Variants in MTA1 observed in about 807,000 individuals in gnomAD.
MTA1 encodes the protein metastasis associated 1.
In MTA1, 15 loss-of-function variants were observed where a neutral mutation model predicts 97.0. The observed-to-expected ratio is 0.15, with a 90% confidence interval of 0.10 to 0.24. The LOEUF is 0.24. Ranked by LOEUF, MTA1 falls within the 10% of genes least tolerant of loss-of-function variation. MTA1 has a pLI of 1.00. For missense variants in MTA1, 709 were observed against 1,015.1 expected (o/e 0.70, Z 4.10); for synonymous variants, 435 against 417.5 (o/e 1.04, Z -0.51).
Position 105,464,021 on chromosome 14 carries a change from C to T in MTA1, c.1077-11C>T, listed in dbSNP as rs2083464250. ...CTGCAACTCCTCTCGTCTCTCCTTT[C>T]CCTCTTTAAGTAACAAGCCAAATCC... is the stretch of plus-strand genomic sequence containing the variant. On this transcript the variant is annotated splice_polypyrimidine_tract_variant and intron_variant, in intron 12 of 20. Transcript: ENST00000331320. 12 of 1,612,086 alleles carry T rather than the reference C, an allele frequency of 7.4e-6. No homozygotes were observed. In the South Asian group the frequency reaches 8.8e-5, roughly 12 times the overall value.
intron 1 of MTA1, among the ~76,000 whole-genome samples, chr14:105,428,079 T>A (rs1339823108): frequency 6.6e-6 from 1 of 151,752 alleles, no homozygotes. Flanking sequence ...AACCCACTTA[T>A]GTGTAGGGGC....
chr14:105,461,458 G>A (rs1430379794), intron 10 of MTA1, among the ~76,000 whole-genome samples: 6 of 152,098 alleles, frequency 3.9e-5, no homozygotes, highest in East Asian at 1.9e-4. Context: ...CCCTCCAACC[G>A]TCAGCCCTCC....
intron 1 of MTA1, among the ~76,000 whole-genome samples, chr14:105,428,935 C>T (rs932885626): frequency 1.2e-4 from 19 of 152,014 alleles, no homozygotes; most frequent in African/African-American, 4.6e-4. Flanking sequence ...ATGTTGCCCA[C>T]ACTAGTCTCA....
chr14:105,458,482 C>A, intron 8 of MTA1, 110 bp downstream of exon 8: 2 of 979,470 alleles, frequency 2.0e-6, no homozygotes, highest in Non-Finnish European at 3.1e-6. Context: ...CATATCCCAA[C>A]AAGAAGCCCA....
rs2083440673 is a variant in MTA1 at position 105,463,473 on chromosome 14, A to G, written c.1018-20A>G. 2 of 1,612,922 alleles carry G rather than the reference A, an allele frequency of 1.2e-6. No homozygotes were observed. The highest frequency in any genetic ancestry group is 1.7e-6 in the Non-Finnish European group (2 of 1,179,878). On this transcript the variant is annotated intron_variant, in intron 11 of 20. Transcript: ENST00000331320. The surrounding 1 kb of genome is among the most constrained non-coding windows in gnomAD (Gnocchi z 5.9). Reference sequence around the variant, plus strand: ...CCTGGGCCTAGCCTGCTGACCTCTGACCTTCTCTTTTGTTTTAAGAAACGC... The same window carrying G: ...CCTGGGCCTAGCCTGCTGACCTCTGGCCTTCTCTTTTGTTTTAAGAAACGC...
In MTA1 at chr14:105,454,184, G is replaced by T; in HGVS notation, c.433-9G>T. 6.2e-7 allele frequency: 1 copy of T among 1,605,056 alleles called. No individual in the cohort carries two copies. The highest frequency in any genetic ancestry group is 8.5e-7 in the Non-Finnish European group (1 of 1,172,504). On this transcript the variant is annotated splice_polypyrimidine_tract_variant and intron_variant, in intron 6 of 20. Coordinates refer to ENST00000331320, the MANE Select transcript of MTA1 (RefSeq NM_004689.4). ...CTGACGCCTCTCTGTCTCCTGTGGT[G>T]TTTTCCAGGATTTCTTCTTCTATTC... is the stretch of plus-strand genomic sequence containing the variant.
chr14:105,454,457 A>G (rs1204446387), intron 7 of MTA1, 147 bp downstream of exon 7: 6 of 626,486 alleles, frequency 9.6e-6, no homozygotes, highest in Non-Finnish European at 1.8e-5. Flanking sequence ...CTCTGTCCAC[A>G]TGGGTGATGC....
chr14:105,461,066 C>G (rs2083330372), intron 10 of MTA1, 113 bp downstream of exon 10: 2 of 1,119,614 alleles, frequency 1.8e-6, no homozygotes, highest in Non-Finnish European at 2.6e-6. Flanking sequence ...GTCCTGCACC[C>G]TGATTCCCTG....
intron 19 of MTA1, 120 bp from the exon 20 acceptor site, chr14:105,469,721 C>A: frequency 7.1e-7 from 1 of 1,403,098 alleles, no homozygotes; most frequent in Admixed American, 2.2e-5. Context: ...GCTGGGGGTC[C>A]GTGTAACTCA....
intron 20 of MTA1, 30 bp downstream of exon 20, chr14:105,470,022 C>T: frequency 6.2e-7 from 1 of 1,612,510 alleles, no homozygotes; most frequent in Non-Finnish European, 8.5e-7. Flanking sequence ...GGCGGGAGGG[C>T]TCCGCACAGC....
chr14:105,443,099 C>T (rs4983624), intron 2 of MTA1, among the ~76,000 whole-genome samples: 132,838 of 152,162 alleles, frequency 0.87, 60,790 homozygotes, highest in Non-Finnish European at 1. Context: ...AACCCCACTG[C>T]GGTGGAGCCT....
chr14:105,462,942 C>A (rs2083416115), intron 10 of MTA1, among the ~76,000 whole-genome samples: 2 of 152,256 alleles, frequency 1.3e-5, no homozygotes, highest in Admixed American at 1.3e-4. Flanking sequence ...CGACCTTGAC[C>A]TTGTGCCAGC....
At chr14:105,442,996 G>A (rs782369200) in intron 2 of MTA1, among the ~76,000 whole-genome samples, 7 of 152,228 alleles carry the variant, frequency 4.6e-5, no homozygotes, top group Non-Finnish European at 1.0e-4. Flanking sequence ...AGCTGCCCGG[G>A]TGGGGTGGCT....
rs188950256 is a variant in MTA1 at position 105,458,266 on chromosome 14, G to A, written c.551-4G>A. On this transcript the variant is annotated splice_polypyrimidine_tract_variant and splice_region_variant and intron_variant, in intron 7 of 20. Coordinates refer to ENST00000331320, the MANE Select transcript of MTA1 (RefSeq NM_004689.4). Reference sequence around the variant, plus strand: ...CTCAGAAAGGCCACACTTCCTCCCTGTAGGCGAGGAGGATGGCCGAGACCA... The same window carrying A: ...CTCAGAAAGGCCACACTTCCTCCCTATAGGCGAGGAGGATGGCCGAGACCA... 3 of 1,611,286 alleles carry A rather than the reference G, an allele frequency of 1.9e-6. No individual in the cohort carries two copies. The highest frequency in any genetic ancestry group is 4.5e-5 in the East Asian group (2 of 44,846).
chr14:105,445,968 C>A, intron 3 of MTA1: 1 of 298,704 alleles, frequency 3.3e-6, no homozygotes, highest in South Asian at 2.7e-5. Context: ...TTATTCTTTA[C>A]GATTCAAACC....
At chr14:105,457,924 C>CAAA (rs2083212948) in intron 7 of MTA1, among the ~76,000 whole-genome samples, 1 of 150,458 alleles carries the variant, frequency 6.6e-6, no homozygotes, top group African/African-American at 2.4e-5. Flanking sequence ...GACTCCGTCT[C>CAAA]AAAAAATAAT....
At chr14:105,434,991 G>C (rs1329542003) in intron 1 of MTA1, among the ~76,000 whole-genome samples, 6 of 152,236 alleles carry the variant, frequency 3.9e-5, no homozygotes, top group African/African-American at 1.4e-4. Flanking sequence ...TGTACTGGCT[G>C]GGACTTCCTC....
At chr14:105,429,229 C>T (rs1555422874) in intron 1 of MTA1, among the ~76,000 whole-genome samples, 1 of 152,184 alleles carries the variant, frequency 6.6e-6, no homozygotes, top group Non-Finnish European at 1.5e-5. Context: ...CTTCAGCTTT[C>T]TCTCTATCAG....
At chr14:105,427,712 A>AT (rs1383194162) in intron 1 of MTA1, among the ~76,000 whole-genome samples, 2 of 152,022 alleles carry the variant, frequency 1.3e-5, no homozygotes, top group African/African-American at 4.8e-5. Flanking sequence ...GTGCGTGTAT[A>AT]TTTTTTTAAC....
Sources: gnomAD v4.1 joint callset for allele counts (sites outside exome capture counted in the v4.1 genomes callset) on GRCh38, gnomAD v4.1.1 for gene constraint, Gnocchi (gnomAD v3.1) non-coding constraint, MANE v1.5 for transcripts, NCBI Gene and HGNC (gene_info 2026-07-23, HGNC 2026-07-21) for gene names.